OR2T12: variants seen among roughly 807,000 people sequenced by gnomAD.
OR2T12 encodes the protein olfactory receptor family 2 subfamily T member 12.
For synonymous variants in OR2T12, 127 were observed against 160.5 expected (o/e 0.79, Z 1.58); for missense variants, 335 against 404.3 (o/e 0.83, Z 1.47).
intron 2 of OR2T12, among the ~76,000 whole-genome samples, chr1:248,300,615 T>C (rs1378486099): frequency 6.6e-6 from 1 of 152,090 alleles, no homozygotes; most frequent in African/African-American, 2.4e-5. Flanking sequence ...TTCAAGAAAA[T>C]AACTCATCTC....
chr1:248,296,944 A>G (rs1486330066), intron 2 of OR2T12, among the ~76,000 whole-genome samples: 1 of 152,168 alleles, frequency 6.6e-6, no homozygotes, highest in Non-Finnish European at 1.5e-5. Flanking sequence ...TATGTCCTCA[A>G]TGGTAACGCC....
In OR2T12 at chr1:248,294,748, A is replaced by G. The variant is rs1361405607; in HGVS notation, c.831T>C (p.Thr277=). 6.2e-6 allele frequency: 10 copies of G among 1,613,962 alleles called. No individual in the cohort carries two copies. The highest frequency in any genetic ancestry group is 1.3e-5 in the African/African-American group (1 of 74,890). ...NHDKVVSAFY[T]MFTPLLNPLI... ...GGGGATTTAGTAAAGGGGTGAACAT[A>G]GTATAGAAGGCTGACACAACCTTAT... Residue 277 remains threonine, a synonymous_variant, in exon 3 of 3, where the codon ACT becomes ACC. Transcript: ENST00000641276.
intron 2 of OR2T12, among the ~76,000 whole-genome samples, chr1:248,299,462 G>A (rs897927865): frequency 8.6e-5 from 13 of 151,892 alleles, no homozygotes; most frequent in African/African-American, 3.1e-4. Flanking sequence ...ATGGTAAAGG[G>A]ATGAATTCAA....
rs762718811 is a variant in OR2T12, at chr1:248,294,596, T to TA, written c.*19dup. The TA allele has an allele frequency of 9.0e-5, 145 of 1,606,564 alleles. 2 individuals are homozygous for TA. The African/African-American group carries it at 1.9e-3, about 21-fold the overall frequency. On this transcript the variant is annotated 3_prime_UTR_variant, in exon 3 of 3. Transcript: ENST00000641276. ...TAAAATGTTAATAAATTCAGGAACTTAGACTCATCTGACACTAGATCATCT... is the reference window on the plus strand; with the variant it reads ...TAAAATGTTAATAAATTCAGGAACTTAAGACTCATCTGACACTAGATCATCT...
intron 1 of OR2T12, among the ~76,000 whole-genome samples, chr1:248,301,877 G>T (rs750190670): frequency 2.6e-5 from 4 of 151,858 alleles, no homozygotes; most frequent in Non-Finnish European, 5.9e-5. Context: ...GCAATATATT[G>T]TAACACAAAA....
At chr1:248,302,297 A>T (rs568887570) in intron 1 of OR2T12, among the ~76,000 whole-genome samples, 1 of 152,256 alleles carries the variant, frequency 6.6e-6, no homozygotes, top group African/African-American at 2.4e-5. Context: ...AGTAGCATTG[A>T]TGAGTTTCAC....
Position 248,294,493 on chromosome 1 carries a change from T to C in OR2T12, c.*123A>G. On this transcript the variant is annotated 3_prime_UTR_variant, in exon 3 of 3. Transcript: ENST00000641276. ...CAATACAATTGGCTCACTTCATTCT[T>C]AAAAATATCTTATTATATCAATACA... 1 of 1,330,058 alleles carries C rather than the reference T, an allele frequency of 7.5e-7. No individual in the cohort carries two copies. The highest frequency in any genetic ancestry group is 2.3e-5 in the Admixed American group (1 of 43,662). The allele number at this position is 1,330,058 out of a possible 1,614,324, so 82.4% of individuals were successfully genotyped here. A position where few individuals can be genotyped will look rare whatever the true frequency, so the allele number is the denominator to read the frequency against.
rs1659675004 is a variant in OR2T12 at position 248,294,095 on chromosome 1, C to G, written c.*521G>C. 6.5e-6 allele frequency: 1 copy of G among 153,388 alleles called. No homozygotes were observed. Among genetic ancestry groups the G allele is most frequent in the Non-Finnish European group, 1.5e-5 (1 of 68,900 alleles). The allele number at this position is 153,388 out of a possible 1,614,324, so 9.5% of individuals were successfully genotyped here. ...GAGCATACACATGGGAAATAACACT[C>G]AAAATACATTATTGAACAGAAATAA... On this transcript the variant is annotated 3_prime_UTR_variant, in exon 3 of 3. Transcript: ENST00000641276.
rs577396862 is a variant in OR2T12, at chr1:248,303,373, A to C, written c.-217T>G. ...CTTAGTACTGATCTGAATAGTGTAT[A>C]TTTTCAATGAGATTGTAGTTTCCTA... On this transcript the variant is annotated 5_prime_UTR_variant, in exon 1 of 3. Transcript: ENST00000641276. 2.0e-5 allele frequency: 3 copies of C among 152,264 alleles called. No individual in the cohort carries two copies. Among genetic ancestry groups the C allele is most frequent in the Admixed American group, 2.0e-4 (3 of 15,294 alleles). 9.4% of individuals were successfully genotyped at this position (152,264 alleles called of 1,614,324 possible).
Position 248,290,782 on chromosome 1 carries a change from G to C in OR2T12, c.*3834C>G, listed in dbSNP as rs1659611895. The C allele has an allele frequency of 6.6e-6, 1 of 152,060 alleles. No individual in the cohort carries two copies. Among genetic ancestry groups the C allele is most frequent in the East Asian group, 1.9e-4 (1 of 5,196 alleles). 9.4% of individuals were successfully genotyped at this position (152,060 alleles called of 1,614,324 possible). Reference sequence around the variant, plus strand: ...ATACTTTAAGTTTTAGGGTACATGTGCACAATGTGCAGGTTTGTTACATAT... The same window carrying C: ...ATACTTTAAGTTTTAGGGTACATGTCCACAATGTGCAGGTTTGTTACATAT... On this transcript the variant is annotated 3_prime_UTR_variant, in exon 3 of 3. Coordinates refer to ENST00000641276, the MANE Select transcript of OR2T12 (RefSeq NM_001004692.2).
In OR2T12 at chr1:248,290,919, C is replaced by CT. The variant is rs34644276; in HGVS notation, c.*3696dup. 2.6e-5 allele frequency: 4 copies of CT among 151,776 alleles called. No individual in the cohort carries two copies. The highest frequency in any genetic ancestry group is 3.9e-4 in the East Asian group (2 of 5,180). 9.4% of individuals were successfully genotyped at this position (151,776 alleles called of 1,614,324 possible). ...TTCTATAAGGACCAGTGATGATGAG[C>CT]TTTTTTTCATATATTTCTTGGCCAC... On this transcript the variant is annotated 3_prime_UTR_variant, in exon 3 of 3. Coordinates refer to ENST00000641276, the MANE Select transcript of OR2T12 (RefSeq NM_001004692.2).
In OR2T12 at chr1:248,290,619, C is replaced by T. The variant is rs1376309354; in HGVS notation, c.*3997G>A. ...TCAAATGGCATTTCTAGTTCTAGAT[C>T]CTTGAGGAATCACCACACTGTCTTC... On this transcript the variant is annotated 3_prime_UTR_variant, in exon 3 of 3. Transcript: ENST00000641276. The T allele has an allele frequency of 6.6e-6, 1 of 152,124 alleles. No homozygotes were observed. The highest frequency in any genetic ancestry group is 1.5e-5 in the Non-Finnish European group (1 of 68,024). 9.4% of individuals were successfully genotyped at this position (152,124 alleles called of 1,614,324 possible).
In OR2T12 at chr1:248,294,879, T is replaced by C. The variant is rs563733212; in HGVS notation, c.700A>G (p.Lys234Glu). 6.2e-7 allele frequency: 1 copy of C among 1,612,068 alleles called. No individual in the cohort carries two copies. The highest frequency in any genetic ancestry group is 1.1e-5 in the South Asian group (1 of 90,990). ...LLMRSTEARK[K>E]AFATCSSHVA... ...TGTGAAGAGCAGGTGGCAAAGGCCT[T>C]CTTGCGGGCTTCTGTAGAGCGCATG... Residue 234 changes from lysine (K) to glutamate (E), a missense_variant, in exon 3 of 3, where the codon AAG (lysine) becomes GAG (glutamate). Transcript: ENST00000641276.
In OR2T12 at chr1:248,295,065, T is replaced by A; in HGVS notation, c.514A>T (p.Ile172Phe). Residue 172 changes from isoleucine (I) to phenylalanine (F), a missense_variant, in exon 3 of 3, where the codon ATC becomes TTC. Coordinates refer to ENST00000641276, the MANE Select transcript of OR2T12 (RefSeq NM_001004692.2). ...GGGGCCTCGCAGAAGAAGTGATCGA[T>A]CTCGTGTGCACCGCAATATGGGAAG... ...LSFPYCGAHE[I>F]DHFFCEAPVL... 1 of 1,608,504 alleles carries A rather than the reference T, an allele frequency of 6.2e-7. No homozygotes were observed. The highest frequency in any genetic ancestry group is 8.5e-7 in the Non-Finnish European group (1 of 1,179,140).
intron 2 of OR2T12, among the ~76,000 whole-genome samples, chr1:248,300,410 T>A (rs1366227199): frequency 1.3e-5 from 2 of 152,126 alleles, no homozygotes; most frequent in Non-Finnish European, 2.9e-5. Context: ...TAAACCTGAT[T>A]ATTGGTATCT....
Position 248,294,692 on chromosome 1 carries a change from T to C in OR2T12, c.887A>G (p.Lys296Arg), listed in dbSNP as rs1170499506. 3.1e-6 allele frequency: 5 copies of C among 1,614,016 alleles called. No homozygotes were observed. The highest frequency in any genetic ancestry group is 4.2e-6 in the Non-Finnish European group (5 of 1,180,038). The change falls in exon 3 of 3, where the codon AAG becomes AGG. Residue 296 changes from lysine to arginine, a missense_variant. Lys to Arg is a conservative substitution (Grantham distance 26). Transcript: ENST00000641276. ...CCCCAGCCACCGTTTCAGGGCTTCC[T>C]TGACCTCACTGTTCCTCACACTGTA... ...LIYSVRNSEVKEALKRWLGTC... is the reference protein window; with the variant it reads ...LIYSVRNSEVREALKRWLGTC...
In OR2T12 at chr1:248,291,579, G is replaced by GA. The variant is rs1406800087; in HGVS notation, c.*3036dup. ...ACCATAGACTTTCTTCACAGAATTAGAAAAAAATACTTTAAATTTCATATG... is the reference window on the plus strand; with the variant it reads ...ACCATAGACTTTCTTCACAGAATTAGAAAAAAAATACTTTAAATTTCATATG... On this transcript the variant is annotated 3_prime_UTR_variant, in exon 3 of 3. Transcript: ENST00000641276. The GA allele has an allele frequency of 6.6e-6, 1 of 151,964 alleles. No homozygotes were observed. Among genetic ancestry groups the GA allele is most frequent in the Non-Finnish European group, 1.5e-5 (1 of 67,972 alleles). 9.4% of individuals were successfully genotyped at this position (151,964 alleles called of 1,614,324 possible).
At chr1:248,297,028 G>A (rs1273489632) in intron 2 of OR2T12, among the ~76,000 whole-genome samples, 1 of 152,072 alleles carries the variant, frequency 6.6e-6, no homozygotes, top group Admixed American at 6.6e-5. Flanking sequence ...ATTGATTTTT[G>A]TATAAGGTGT....
At chr1:248,297,848 G>T (rs1041213322) in intron 2 of OR2T12, among the ~76,000 whole-genome samples, 1 of 148,488 alleles carries the variant, frequency 6.7e-6, no homozygotes, top group African/African-American at 2.6e-5. Context: ...TTATTTCCTT[G>T]TCCTGCCTAA....
Sources: gnomAD v4.1 joint callset for allele counts (sites outside exome capture counted in the v4.1 genomes callset) on GRCh38, gnomAD v4.1.1 for gene constraint, MANE v1.5 for transcripts, NCBI Gene and HGNC (gene_info 2026-07-23, HGNC 2026-07-21) for gene names.